Variants in STXBP4 observed in about 807,000 individuals in gnomAD.
The protein encoded by STXBP4 is syntaxin binding protein 4, also known as syntaxin-binding protein 4.
STXBP4 carries 55 observed loss-of-function variants against 76.1 expected under a neutral mutation model. The observed-to-expected ratio is 0.72, with a 90% confidence interval of 0.58 to 0.91. The LOEUF is 0.91. Among genes scored for constraint, STXBP4 ranks in the 40% least tolerant of loss-of-function variants. The probability of loss-of-function intolerance (pLI) is 0.00; values close to 1 mark genes in which losing one functional copy is unlikely to be tolerated. For synonymous variants in STXBP4, 201 were observed against 220.2 expected (o/e 0.91, Z 0.77); for missense variants, 618 against 636.9 (o/e 0.97, Z 0.32).
chr17:55,125,254 GA>G (rs1164399511), intron 16 of STXBP4, among the ~76,000 whole-genome samples: 1 of 152,098 alleles, frequency 6.6e-6, no homozygotes, highest in Non-Finnish European at 1.5e-5. Context: ...GACTAAAGTA[GA>G]AGTTAGATTA....
At chr17:55,128,561 C>T (rs1038270292) in intron 16 of STXBP4, among the ~76,000 whole-genome samples, 3 of 152,232 alleles carry the variant, frequency 2.0e-5, no homozygotes, top group East Asian at 1.9e-4. Flanking sequence ...AAAATATAGT[C>T]GATAACTGGA....
the STXBP4 span, among the ~76,000 whole-genome samples, chr17:55,202,600 G>C: frequency 2.6e-5 from 4 of 152,098 alleles, no homozygotes; most frequent in East Asian, 5.8e-4. Context: ...CCAGGAATTC[G>C]GACTGCCAAT....
At chr17:55,041,140 C>G (rs1455513051) in intron 10 of STXBP4, among the ~76,000 whole-genome samples, 2 of 151,020 alleles carry the variant, frequency 1.3e-5, no homozygotes, top group African/African-American at 4.9e-5. Flanking sequence ...GTGTTAAGTT[C>G]AAAAGTTTAT....
At chr17:55,129,672 TTTTTCTTAGTTACA>T (rs1320781678) in intron 16 of STXBP4, among the ~76,000 whole-genome samples, 1 of 152,186 alleles carries the variant, frequency 6.6e-6, no homozygotes, top group African/African-American at 2.4e-5. Flanking sequence ...CTTTGAAATA[TTTTTCTTAGTTACA>T]TTTTCCTTCC....
intron 7 of STXBP4, among the ~76,000 whole-genome samples, chr17:55,004,946 G>A (rs1179695720): frequency 2.6e-5 from 4 of 152,112 alleles, no homozygotes; most frequent in African/African-American, 4.8e-5. Context: ...TCTATGAGGG[G>A]CTTTCAGGTA....
At chr17:54,976,030 T>G (rs2077468772) in intron 1 of STXBP4, among the ~76,000 whole-genome samples, 1 of 152,198 alleles carries the variant, frequency 6.6e-6, no homozygotes, top group Admixed American at 6.5e-5. Context: ...CTCCCACCAC[T>G]AGAATGTAAA....
At position 55,073,090 on chromosome 17, in the gene STXBP4, T is replaced by G; in HGVS notation, c.1188+14T>G. The G allele has an allele frequency of 6.2e-7, 1 of 1,610,954 alleles. No individual in the cohort carries two copies. Among genetic ancestry groups the G allele is most frequent in the Non-Finnish European group, 8.5e-7 (1 of 1,178,812 alleles). On this transcript the variant is annotated intron_variant, in intron 13 of 17. Coordinates refer to ENST00000376352, the MANE Select transcript of STXBP4 (RefSeq NM_178509.6). The stretch of plus-strand genomic sequence containing the variant: ...GACCAAAATAAAGTAAGCAAAGCAG[T>G]CATCTCTTCCAGTTACCATGGTTTC...
intron 12 of STXBP4, among the ~76,000 whole-genome samples, chr17:55,053,286 T>TA (rs2078883926): frequency 6.6e-6 from 1 of 152,058 alleles, no homozygotes; most frequent in Non-Finnish European, 1.5e-5. Context: ...TTGGAGTTTT[T>TA]AGGGATAAAG....
chr17:55,062,265 G>GTT (rs2079003402), intron 12 of STXBP4, among the ~76,000 whole-genome samples: 1 of 152,028 alleles, frequency 6.6e-6, no homozygotes, highest in African/African-American at 2.4e-5. Flanking sequence ...ACAGGCCCCA[G>GTT]TGTGTGATGA....
intron 16 of STXBP4, among the ~76,000 whole-genome samples, chr17:55,114,316 T>TA (rs1379302036): frequency 6.6e-6 from 1 of 152,078 alleles, no homozygotes; most frequent in Non-Finnish European, 1.5e-5. Context: ...ATAATGGCCT[T>TA]AAAGTTGCAT....
At chr17:54,980,204 G>A (rs891765457) in intron 1 of STXBP4, among the ~76,000 whole-genome samples, 2 of 152,020 alleles carry the variant, frequency 1.3e-5, no homozygotes, top group African/African-American at 4.8e-5. Flanking sequence ...AGAATTTGGG[G>A]TGGGAGGGAA....
intron 1 of STXBP4, among the ~76,000 whole-genome samples, chr17:54,973,849 G>A (rs2077432947): frequency 6.6e-6 from 1 of 152,094 alleles, no homozygotes; most frequent in Non-Finnish European, 1.5e-5. Context: ...CCTTTAATTT[G>A]CAACATTATT....
intron 12 of STXBP4, among the ~76,000 whole-genome samples, chr17:55,062,143 G>A (rs565841701): frequency 6.6e-6 from 1 of 151,818 alleles, no homozygotes; most frequent in Non-Finnish European, 1.5e-5. Flanking sequence ...AGAACGTGCA[G>A]GTTCGTTACA....
At chr17:55,049,702 A>G (rs1363898330) in intron 12 of STXBP4, among the ~76,000 whole-genome samples, 1 of 152,048 alleles carries the variant, frequency 6.6e-6, no homozygotes, top group Admixed American at 6.6e-5. Flanking sequence ...AAAATTTTAT[A>G]GAACTGCAAC....
chr17:55,090,855 CTGTGTGTGTGTGTGTGTGTGTG>C lies in STXBP4; in HGVS notation c.1489+9690_1489+9711del, dbSNP rs57750914. Among the ~76,000 whole-genome samples, 4 of 147,412 alleles carry C rather than the reference CTGTGTGTGTGTGTGTGTGTGTG, an allele frequency of 2.7e-5. No individual in the cohort carries two copies. The South Asian group carries it at 8.9e-4, about 33-fold the overall frequency. On this transcript the variant is annotated intron_variant, in intron 16 of 17. Transcript: ENST00000376352. ...TTAAATTGTGTGTGTGTGTGTGTGT[CTGTGTGTGTGTGTGTGTGTGTG>C]TGTGTGTGTGTGTGTGTTTAGATAA...
intron 10 of STXBP4, among the ~76,000 whole-genome samples, chr17:55,041,822 C>A (rs1046481263): frequency 2.0e-5 from 3 of 152,090 alleles, no homozygotes; most frequent in African/African-American, 7.2e-5. Context: ...TTTTCTAAAT[C>A]ATATACCACT....
chr17:55,092,047 G>A (rs547170746), intron 16 of STXBP4, among the ~76,000 whole-genome samples: 1 of 152,258 alleles, frequency 6.6e-6, no homozygotes, highest in South Asian at 2.1e-4. Context: ...TCTAACGGAA[G>A]TAACTCAGGA....
chr17:54,998,848 T>TG (rs1187243862), intron 4 of STXBP4, among the ~76,000 whole-genome samples: 5 of 151,922 alleles, frequency 3.3e-5, no homozygotes, highest in Admixed American at 6.6e-5. Context: ...TTTAATTTTT[T>TG]TTTTTTAAAA....
At chr17:55,148,801 TG>T (rs1664329305) in intron 17 of STXBP4, among the ~76,000 whole-genome samples, 1 of 152,250 alleles carries the variant, frequency 6.6e-6, no homozygotes, top group Admixed American at 6.5e-5. Flanking sequence ...CCCAAAGTGC[TG>T]GGATTACAGG....
Sources: gnomAD v4.1 joint callset for allele counts (sites outside exome capture counted in the v4.1 genomes callset) on GRCh38, gnomAD v4.1.1 for gene constraint, MANE v1.5 for transcripts, NCBI Gene and HGNC (gene_info 2026-07-23, HGNC 2026-07-21) for gene names.